Variants in UBAP2 observed in about 807,000 individuals in gnomAD.
UBAP2 encodes the protein ubiquitin-associated protein 2.
UBAP2 carries 75 observed loss-of-function variants against 139.6 expected under a neutral mutation model. That is an observed-to-expected ratio of 0.54 (90% confidence interval 0.45 to 0.65). UBAP2 has a LOEUF of 0.65. Ranked by LOEUF, UBAP2 falls within the 30% of genes least tolerant of loss-of-function variation. The pLI is 0.00. For missense variants in UBAP2, 1,368 were observed against 1,369.6 expected (o/e 1.00, Z 0.02); for synonymous variants, 526 against 526.2 (o/e 1.00, Z 0.01).
At position 33,926,538 on chromosome 9, in the gene UBAP2, G is replaced by A. The variant is rs1823442733; in HGVS notation, c.2511+79C>T. The A allele has an allele frequency of 2.0e-6, 3 of 1,503,694 alleles. No individual in the cohort carries two copies. In the Admixed American group the frequency reaches 5.0e-5, roughly 25 times the overall value. The allele number at this position is 1,503,694 out of a possible 1,614,324, so 93.1% of individuals were successfully genotyped here. A position where few individuals can be genotyped will look rare whatever the true frequency, so the allele number is the denominator to read the frequency against. The stretch of plus-strand genomic sequence containing the variant: ...CAGAGGATCCTAAGGGCCAGAGAGT[G>A]TGGCAGCCAAGACCATAAGAGGGGG... On this transcript the variant is annotated intron_variant, in intron 22 of 28. Coordinates refer to ENST00000379238, the MANE Select transcript of UBAP2 (RefSeq NM_001370062.2).
chr9:33,979,124 A>T (rs1028449425), intron 6 of UBAP2, among the ~76,000 whole-genome samples: 1 of 152,258 alleles, frequency 6.6e-6, no homozygotes, highest in East Asian at 1.9e-4. Flanking sequence ...AGTCCTATCT[A>T]CTCAGGAAGC....
At chr9:33,995,541 A>AAAT (rs1358170561) in intron 4 of UBAP2, 2 of 125,626 alleles carry the variant, frequency 1.6e-5, no homozygotes, top group African/African-American at 6.0e-5. Flanking sequence ...TTATATTATT[A>AAAT]AATATATTAT....
intron 12 of UBAP2, among the ~76,000 whole-genome samples, chr9:33,950,945 A>C (rs1826044158): frequency 6.6e-6 from 1 of 152,214 alleles, no homozygotes. Flanking sequence ...CCCAAATCCC[A>C]ATCCCAAAGA....
chr9:33,948,836 T>G (rs1825857474), intron 12 of UBAP2: 1 of 422,046 alleles, frequency 2.4e-6, no homozygotes, highest in African/African-American at 2.0e-5. Flanking sequence ...TGCCATGAAT[T>G]TGAAGAAATC....
rs553258770 is a variant in UBAP2, at chr9:33,971,878, C to T, written c.576-124G>A. ...TTCTCACAGCCACTGTAAAAGACAT[C>T]ACCTCTCCTTCCCCTATTTAAATAT... is the stretch of plus-strand genomic sequence containing the variant. On this transcript the variant is annotated intron_variant, in intron 7 of 28. Coordinates refer to ENST00000379238, the MANE Select transcript of UBAP2 (RefSeq NM_001370062.2). 111 of 613,680 alleles carry T rather than the reference C, an allele frequency of 1.8e-4. 2 individuals carry two copies. In the South Asian group the frequency reaches 2.1e-3, roughly 12 times the overall value. 38.0% of individuals were successfully genotyped at this position (613,680 alleles called of 1,614,324 possible).
intron 17 of UBAP2, chr9:33,934,487 C>T (rs1475371286): frequency 6.4e-6 from 1 of 155,684 alleles, no homozygotes; most frequent in Non-Finnish European, 1.5e-5. Context: ...TCAACTTACA[C>T]CTAGGTCAGT....
At chr9:33,947,182 C>T (rs1307980363) in intron 13 of UBAP2, among the ~76,000 whole-genome samples, 3 of 152,140 alleles carry the variant, frequency 2.0e-5, no homozygotes, top group East Asian at 3.9e-4. Context: ...TGGTAGACAT[C>T]GCTTCAAACC....
At chr9:33,987,895 A>T (rs1396415386) in intron 5 of UBAP2, among the ~76,000 whole-genome samples, 1 of 152,074 alleles carries the variant, frequency 6.6e-6, no homozygotes, top group Non-Finnish European at 1.5e-5. Context: ...TTTTTCTAGG[A>T]TACTAACAGG....
chr9:33,926,953 G>T, intron 21 of UBAP2, 36 bp downstream of exon 21: 2 of 1,604,140 alleles, frequency 1.2e-6, no homozygotes, highest in Non-Finnish European at 1.7e-6. Context: ...GAGGCCAGGG[G>T]AGCTGGGCAG....
In UBAP2 at chr9:33,922,492, T is replaced by C. The variant is rs754983146; in HGVS notation, c.*12A>G. The C allele has an allele frequency of 1.2e-6, 2 of 1,609,684 alleles. No homozygotes were observed. Among genetic ancestry groups the C allele is most frequent in the Admixed American group, 3.3e-5 (2 of 59,808 alleles). ...GATAAGCCTTGCCCCAGCCCACCCC[T>C]CTCTTCTGGGTTTAGTTTGTCCAGT... On this transcript the variant is annotated 3_prime_UTR_variant, in exon 29 of 29. Transcript: ENST00000379238.
rs141497376 is a variant in UBAP2 at position 33,927,916 on chromosome 9, G to A, written c.2252C>T (p.Ser751Phe). 66 of 1,614,224 alleles carry A rather than the reference G, an allele frequency of 4.1e-5. No individual in the cohort carries two copies. The African/African-American group carries it at 7.3e-4, about 18-fold the overall frequency. Residue 751 changes from serine (S) to phenylalanine (F), a missense_variant, in exon 20 of 29, where the codon TCC (serine) becomes TTC (phenylalanine). Transcript: ENST00000379238. ...GGACAGGCTGGCGCCTGAGGATGCGGAACTTGAGACGGAGGTCGCTGCCGT... is the reference window on the plus strand; with the variant it reads ...GGACAGGCTGGCGCCTGAGGATGCGAAACTTGAGACGGAGGTCGCTGCCGT... The part of the protein sequence containing the change: ...FSTAATSVSS[S>F]ASSGASLSSS...
chr9:33,980,220 C>CTTTTTTTTTTTTTTTTTTTTTTTTTTTTT lies in UBAP2; in HGVS notation c.520+6511_520+6539dup, dbSNP rs1173781682. ...TTAATCCAAATCCTGAGTGTCATTT[C>CTTTTTTTTTTTTTTTTTTTTTTTTTTTTT]TTTTTTTTTTTTTTTTTTTTTTTTT... On this transcript the variant is annotated intron_variant, in intron 6 of 28. Coordinates refer to ENST00000379238, the MANE Select transcript of UBAP2 (RefSeq NM_001370062.2). Among the ~76,000 whole-genome samples, 14 of 49,134 alleles carry CTTTTTTTTTTTTTTTTTTTTTTTTTTTTT rather than the reference C, an allele frequency of 2.8e-4. 5 individuals carry two copies. The highest frequency in any genetic ancestry group is 4.0e-4 in the Non-Finnish European group (11 of 27,464). The allele number at this position is 49,134 out of a possible 152,430, so 32.2% of individuals were successfully genotyped here.
intron 19 of UBAP2, chr9:33,928,225 T>C (rs307691): frequency 0.2 from 90,012 of 460,426 alleles, 9,572 homozygotes; most frequent in South Asian, 0.34. Context: ...ATCAAAACTA[T>C]TAACATTAAG....
intron 14 of UBAP2, 121 bp from the exon 15 acceptor site, chr9:33,943,710 G>C (rs1825426341): frequency 3.6e-6 from 3 of 824,188 alleles, no homozygotes; most frequent in Non-Finnish European, 5.6e-6. Flanking sequence ...GAAGGAGTGA[G>C]AAACAAGGAG....
chr9:33,999,324 TAAAAAA>T (rs201516750), intron 2 of UBAP2, among the ~76,000 whole-genome samples: 1 of 133,872 alleles, frequency 7.5e-6, no homozygotes, highest in Non-Finnish European at 1.6e-5. Context: ...TTAAAAAGAT[TAAAAAA>T]AAAAAAGGCT....
intron 2 of UBAP2, among the ~76,000 whole-genome samples, chr9:34,011,964 A>C (rs1823784495): frequency 7.3e-6 from 1 of 136,262 alleles, no homozygotes; most frequent in African/African-American, 2.7e-5. Context: ...ATAATAAAGT[A>C]GGATTATTTA....
At chr9:33,981,226 GAT>G (rs1217356369) in intron 6 of UBAP2, among the ~76,000 whole-genome samples, 2 of 21,792 alleles carry the variant, frequency 9.2e-5, no homozygotes, top group Non-Finnish European at 8.2e-5. Flanking sequence ...ATATATTCTG[GAT>G]ATATATATAT....
At chr9:33,986,736 T>C in intron 6 of UBAP2, 24 bp downstream of exon 6, 1 of 1,580,962 alleles carries the variant, frequency 6.3e-7, no homozygotes, top group Non-Finnish European at 8.7e-7. Context: ...TGAAAGCATT[T>C]TCTTCCCTCT....
intron 2 of UBAP2, among the ~76,000 whole-genome samples, chr9:34,012,043 A>G (rs1170860270): frequency 6.6e-6 from 1 of 152,316 alleles, no homozygotes; most frequent in African/African-American, 2.4e-5. Context: ...ACAGTTTTGC[A>G]TTAACTTTAC....
Sources: gnomAD v4.1 joint callset for allele counts (sites outside exome capture counted in the v4.1 genomes callset) on GRCh38, gnomAD v4.1.1 for gene constraint, MANE v1.5 for transcripts, NCBI Gene and HGNC (gene_info 2026-07-23, HGNC 2026-07-21) for gene names.